Variants in GLIPR1L2 observed in about 807,000 individuals in gnomAD.
The protein encoded by GLIPR1L2 is GLIPR1 like 2, also known as GLIPR1-like protein 2.
Under a neutral mutation model 28.4 loss-of-function variants are expected in GLIPR1L2, and 21 were observed. That is an observed-to-expected ratio of 0.74 (90% confidence interval 0.52 to 1.06). The LOEUF (loss-of-function observed/expected upper bound fraction) is 1.06. Among genes scored for constraint, GLIPR1L2 ranks in the 50% least tolerant of loss-of-function variants. GLIPR1L2 has a pLI of 0.00. For missense variants in GLIPR1L2, 476 were observed against 416.9 expected (o/e 1.14, Z -1.23); for synonymous variants, 145 against 139.3 (o/e 1.04, Z -0.29).
At chr12:75,398,527 T>G (rs538271647) in intron 1 of GLIPR1L2, among the ~76,000 whole-genome samples, 181 of 152,206 alleles carry the variant, frequency 1.2e-3, no homozygotes, top group Middle Eastern at 0.01. Flanking sequence ...CTTTCTTACA[T>G]TCTTGGATGC....
At chr12:75,416,648 G>A (rs1197031858) in intron 3 of GLIPR1L2, among the ~76,000 whole-genome samples, 1 of 152,120 alleles carries the variant, frequency 6.6e-6, no homozygotes, top group Non-Finnish European at 1.5e-5. Flanking sequence ...TCCATTAGAT[G>A]AGATGAAGGT....
chr12:75,398,392 A>C (rs2045705346), intron 1 of GLIPR1L2, among the ~76,000 whole-genome samples: 1 of 151,636 alleles, frequency 6.6e-6, no homozygotes, highest in Non-Finnish European at 1.5e-5. Context: ...ATTGCTCTTC[A>C]ACCATTTTTG....
intron 2 of GLIPR1L2, among the ~76,000 whole-genome samples, chr12:75,412,420 G>A (rs1455940495): frequency 6.6e-6 from 1 of 151,950 alleles, no homozygotes; most frequent in African/African-American, 2.4e-5. Context: ...CTACAAAATG[G>A]GGGAAAATTT....
chr12:75,401,077 CAA>C (rs1341333217), intron 1 of GLIPR1L2, among the ~76,000 whole-genome samples: 1 of 151,426 alleles, frequency 6.6e-6, no homozygotes, highest in Non-Finnish European at 1.5e-5. Flanking sequence ...TCCAGATTTA[CAA>C]AAGAGAAGTG....
intron 3 of GLIPR1L2, among the ~76,000 whole-genome samples, chr12:75,417,254 A>G (rs933600846): frequency 6.6e-6 from 1 of 152,086 alleles, no homozygotes; most frequent in African/African-American, 2.4e-5. Context: ...AGACACACAG[A>G]AGAGGAGGCA....
At chr12:75,429,849 C>T (rs1204081504) in intron 4 of GLIPR1L2, among the ~76,000 whole-genome samples, 3 of 152,048 alleles carry the variant, frequency 2.0e-5, no homozygotes, top group Non-Finnish European at 2.9e-5. Flanking sequence ...TCCCCTTCAC[C>T]TTCCACCATG....
At chr12:75,424,332 T>C (rs372787094) in intron 4 of GLIPR1L2, among the ~76,000 whole-genome samples, 2 of 152,248 alleles carry the variant, frequency 1.3e-5, no homozygotes, top group African/African-American at 4.8e-5. Flanking sequence ...TGATGAACTT[T>C]TTTTCTTGTT....
chr12:75,412,886 A>G (rs2045883645), intron 2 of GLIPR1L2, among the ~76,000 whole-genome samples: 1 of 152,178 alleles, frequency 6.6e-6, no homozygotes, highest in Admixed American at 6.6e-5. Context: ...CTATAAAGAC[A>G]CATGCACACG....
chr12:75,410,108 A>G (rs566605526), intron 1 of GLIPR1L2, among the ~76,000 whole-genome samples: 1 of 151,866 alleles, frequency 6.6e-6, no homozygotes, highest in South Asian at 2.1e-4. Flanking sequence ...AAAAGGCATG[A>G]GTTTAAAAAT....
At chr12:75,402,950 C>T in intron 1 of GLIPR1L2, 1 of 455,544 alleles carries the variant, frequency 2.2e-6, no homozygotes, top group Middle Eastern at 3.3e-4. Flanking sequence ...TGCCACCTAC[C>T]ACAATAGCCC....
At chr12:75,419,807 C>T (rs1467810368) in intron 3 of GLIPR1L2, among the ~76,000 whole-genome samples, 4 of 152,102 alleles carry the variant, frequency 2.6e-5, no homozygotes, top group Non-Finnish European at 4.4e-5. Context: ...TAATTTGAGA[C>T]AGAAAAACAA....
In GLIPR1L2 at chr12:75,413,681, C is replaced by T. The variant is rs1202716931; in HGVS notation, c.564C>T (p.Phe188=). ...GACATATTATACATGCAGCAATTTTCATATGCAACTATGCGCCAGGGTAAG... is the reference window on the plus strand; with the variant it reads ...GACATATTATACATGCAGCAATTTTTATATGCAACTATGCGCCAGGGTAAG... The part of the protein sequence containing the change: ...KIGHIIHAAI[F]ICNYAPGGTL... The change falls in exon 3 of 6, where the codon TTC becomes TTT. Residue 188 remains phenylalanine (F), a synonymous_variant. Coordinates refer to ENST00000550916, the MANE Select transcript of GLIPR1L2 (RefSeq NM_001270396.2). 4.7e-6 allele frequency: 7 copies of T among 1,504,130 alleles called. No homozygotes were observed. In the South Asian group the frequency reaches 5.5e-5, roughly 12 times the overall value. The allele number at this position is 1,504,130 out of a possible 1,614,324, so 93.2% of individuals were successfully genotyped here.
chr12:75,400,462 T>A (rs12424779), intron 1 of GLIPR1L2, among the ~76,000 whole-genome samples: 30,803 of 152,090 alleles, frequency 0.2, 3,601 homozygotes, highest in African/African-American at 0.3. Flanking sequence ...CTCATGGATC[T>A]TGGAAAAGCA....
chr12:75,429,812 C>G (rs2046072027), intron 4 of GLIPR1L2, among the ~76,000 whole-genome samples: 1 of 152,136 alleles, frequency 6.6e-6, no homozygotes. Flanking sequence ...ACTCTCCCTC[C>G]TGCCACCATG....
In GLIPR1L2 at chr12:75,431,119, G is replaced by A. The variant is rs1594037537; in HGVS notation, c.993G>A (p.Glu331=). ...EEEKEEREEE[E]EETQKEKMEE... is the part of the protein sequence containing the mutation. ...AAAAAGAAGAGAGAGAGGAGGAGGA[G>A]GAGGAAACACAAAAAGAAAAGATGG... Residue 331 remains glutamate, a synonymous_variant, in exon 6 of 6, where the codon GAG becomes GAA. Transcript: ENST00000550916. The A allele has an allele frequency of 8.3e-6, 8 of 958,152 alleles. No individual in the cohort carries two copies. Among genetic ancestry groups the A allele is most frequent in the Middle Eastern group, 2.7e-4 (1 of 3,762 alleles). The allele number at this position is 958,152 out of a possible 1,614,324, so 59.4% of individuals were successfully genotyped here. A position where few individuals can be genotyped will look rare whatever the true frequency, so the allele number is the denominator to read the frequency against.
chr12:75,391,361 A>C lies in GLIPR1L2; in HGVS notation c.234+11A>C. The stretch of plus-strand genomic sequence containing the variant: ...AACTTGCGCTTCATGGTGAGGCCGG[A>C]AGGCGGTTTGCCGACCCTTCCACTA... On this transcript the variant is annotated intron_variant, in intron 1 of 5. Transcript: ENST00000550916. 1 of 1,612,826 alleles carries C rather than the reference A, an allele frequency of 6.2e-7. No individual in the cohort carries two copies. Among genetic ancestry groups the C allele is most frequent in the Non-Finnish European group, 8.5e-7 (1 of 1,178,806 alleles).
At chr12:75,397,017 A>G (rs1390768950) in intron 1 of GLIPR1L2, among the ~76,000 whole-genome samples, 2 of 152,142 alleles carry the variant, frequency 1.3e-5, no homozygotes, top group Admixed American at 1.3e-4. Flanking sequence ...CTTCAGTATT[A>G]TTTCATAGAA....
chr12:75,415,854 C>G (rs1001454467), intron 3 of GLIPR1L2, among the ~76,000 whole-genome samples: 2 of 152,102 alleles, frequency 1.3e-5, no homozygotes, highest in South Asian at 2.1e-4. Flanking sequence ...CTAAAGAAAA[C>G]TCTCTGCTTT....
chr12:75,431,286 A>AT lies in GLIPR1L2; in HGVS notation c.*127dup, dbSNP rs763785518. The AT allele has an allele frequency of 1.7e-5, 10 of 582,060 alleles. No homozygotes were observed. Among genetic ancestry groups the AT allele is most frequent in the Non-Finnish European group, 2.7e-5 (9 of 330,760 alleles). The allele number at this position is 582,060 out of a possible 1,614,324, so 36.1% of individuals were successfully genotyped here. ...CAAGAAAGAAAATATGCAAACCACC[A>AT]TTGGAATGTTTTTTATTCCCTTCTC... is the stretch of plus-strand genomic sequence containing the variant. On this transcript the variant is annotated 3_prime_UTR_variant, in exon 6 of 6. Transcript: ENST00000550916.
Sources: allele counts gnomAD v4.1 joint callset (sites outside exome capture counted in the v4.1 genomes callset), GRCh38; gene constraint gnomAD v4.1.1; transcripts MANE v1.5; gene names NCBI Gene and HGNC (gene_info 2026-07-23, HGNC 2026-07-21).